The following ACACA variants were observed in gnomAD, a reference collection of about 807,000 sequenced individuals.
The protein encoded by ACACA is acetyl-CoA carboxylase alpha.
A neutral mutation model predicts 296.1 loss-of-function variants in ACACA; 103 were observed. The ratio of observed to expected loss-of-function variants is 0.35; its 90% CI spans 0.30 to 0.41. The LOEUF is 0.41. ACACA is among the 10% of genes least tolerant of loss of function. The pLI is 1.00. For synonymous variants in ACACA, 953 were observed against 1,038.6 expected (o/e 0.92, Z 1.58); for missense variants, 1,554 against 2,989.7 (o/e 0.52, Z 11.20).
intron 47 of ACACA, among the ~76,000 whole-genome samples, chr17:37,128,749 C>T (rs2074948852): frequency 6.6e-6 from 1 of 152,184 alleles, no homozygotes; most frequent in Non-Finnish European, 1.5e-5. Context: ...GGAGGGAGAG[C>T]TTATTCTCAC....
chr17:37,288,417 C>T (rs750865786), intron 3 of ACACA, among the ~76,000 whole-genome samples: 11 of 152,056 alleles, frequency 7.2e-5, no homozygotes, highest in Non-Finnish European at 1.6e-4. Context: ...AAAGTATATA[C>T]CATATGACTC....
At chr17:37,153,915 G>A (rs1156954146) in intron 43 of ACACA, among the ~76,000 whole-genome samples, 1 of 152,104 alleles carries the variant, frequency 6.6e-6, no homozygotes, top group Admixed American at 6.5e-5. Context: ...TCTTTTTGGG[G>A]AAAGTTAGTA....
intron 47 of ACACA, among the ~76,000 whole-genome samples, chr17:37,127,461 C>A (rs554642158): frequency 6.6e-6 from 1 of 152,122 alleles, no homozygotes; most frequent in East Asian, 1.9e-4. Context: ...CCTTAGAAGC[C>A]GGCTAAGATG....
rs748299412 is a variant in ACACA, at chr17:37,252,156, C to T, written c.1978-48G>A. ...AGATCAAATGCATGGTCACTTGGCACCACAGCCTCTCAAATGAAATCAGGC... is the reference window on the plus strand; with the variant it reads ...AGATCAAATGCATGGTCACTTGGCATCACAGCCTCTCAAATGAAATCAGGC... On this transcript the variant is annotated intron_variant, in intron 15 of 55. Coordinates refer to ENST00000616317, the MANE Select transcript of ACACA (RefSeq NM_198834.3). 9 of 1,455,676 alleles carry T rather than the reference C, an allele frequency of 6.2e-6. 1 individual carries two copies. The African/African-American group carries it at 7.0e-5, about 11-fold the overall frequency. 90.2% of individuals were successfully genotyped at this position (1,455,676 alleles called of 1,614,324 possible).
chr17:37,158,263 T>C (rs1006946432), intron 42 of ACACA, among the ~76,000 whole-genome samples: 4 of 152,164 alleles, frequency 2.6e-5, no homozygotes, highest in African/African-American at 9.7e-5. Flanking sequence ...TCTGGATATA[T>C]GAATCTTGTG....
rs568528900 is a variant in ACACA at position 37,335,418 on chromosome 17, A to G, written c.85+4386T>C. ...ATACTATAGACACAGCCAACTCCCAATGCATCAGGTGGGTAACTCCTCCCA... is the reference window on the plus strand; with the variant it reads ...ATACTATAGACACAGCCAACTCCCAGTGCATCAGGTGGGTAACTCCTCCCA... On this transcript the variant is annotated intron_variant, in intron 2 of 55. Transcript: ENST00000616317. Among the ~76,000 whole-genome samples the G allele has an allele frequency of 4.6e-5, 7 of 152,248 alleles. No individual in the cohort carries two copies. In the South Asian group the frequency reaches 1.2e-3, roughly 27 times the overall value.
intron 47 of ACACA, 36 bp from the exon 48 acceptor site, chr17:37,125,830 A>G: frequency 6.5e-7 from 1 of 1,544,236 alleles, no homozygotes; most frequent in Non-Finnish European, 8.9e-7. Flanking sequence ...GAGAATAAGG[A>G]CAGTGAATCC....
intron 41 of ACACA, among the ~76,000 whole-genome samples, chr17:37,170,262 A>G (rs979773960): frequency 2.0e-5 from 3 of 152,014 alleles, no homozygotes; most frequent in Non-Finnish European, 4.4e-5. Context: ...AAGGCAGAAC[A>G]TATTTCTTTG....
At chr17:37,157,426 T>C (rs1018061650) in intron 42 of ACACA, among the ~76,000 whole-genome samples, 16 of 152,234 alleles carry the variant, frequency 1.1e-4, no homozygotes, top group Non-Finnish European at 1.2e-4. Context: ...TGTAGGCAAC[T>C]ATATGATCTT....
intron 3 of ACACA, chr17:37,289,329 T>C (rs2082937646): frequency 3.3e-6 from 2 of 608,240 alleles, no homozygotes; most frequent in South Asian, 3.7e-5. Context: ...TGGCTGTAAA[T>C]TATTCCTCAG....
Position 37,245,155 on chromosome 17 carries a change from C to T in ACACA, c.2520G>A (p.Lys840=). 1 of 1,614,204 alleles carries T rather than the reference C, an allele frequency of 6.2e-7. No individual in the cohort carries two copies. The change falls in exon 20 of 56, where the codon AAG becomes AAA. Residue 840 remains lysine, a synonymous_variant. Transcript: ENST00000616317. The part of the protein sequence containing the change: ...AVESGCIHYV[K]RPGAALDPGC... ...CAGGGTCAAGAGCTGCTCCAGGTCGCTTGACGTAATGGATACAGCCAGACT... is the reference window on the plus strand; with the variant it reads ...CAGGGTCAAGAGCTGCTCCAGGTCGTTTGACGTAATGGATACAGCCAGACT...
At chr17:37,317,570 A>C (rs2047156735) in intron 3 of ACACA, among the ~76,000 whole-genome samples, 1 of 152,234 alleles carries the variant, frequency 6.6e-6, no homozygotes, top group South Asian at 2.1e-4. Flanking sequence ...CTGGAAAAAA[A>C]AACTTCTTGG....
intron 1 of ACACA, among the ~76,000 whole-genome samples, chr17:37,399,535 G>A (rs1008570662): frequency 2.6e-5 from 4 of 152,158 alleles, no homozygotes; most frequent in Admixed American, 2.0e-4. Context: ...CAGCTAGGCA[G>A]CCTAGTAGGC....
chr17:37,249,026 C>G lies in ACACA; in HGVS notation c.2082-352G>C, dbSNP rs557187699. On this transcript the variant is annotated intron_variant, in intron 16 of 55. Transcript: ENST00000616317. Reference sequence around the variant, plus strand: ...AACAACTCCCAATTTCGCCCTCCCCCCAGTTCCTGGTAACCGTCATTCTAC... The same window carrying G: ...AACAACTCCCAATTTCGCCCTCCCCGCAGTTCCTGGTAACCGTCATTCTAC... 2.3e-3 allele frequency among the ~76,000 whole-genome samples: 356 copies of G among 152,308 alleles called. 5 individuals are homozygous for G. The highest frequency in any genetic ancestry group is 3.4e-3 in the Non-Finnish European group (233 of 68,028).
chr17:37,138,488 G>A (rs549119114), intron 45 of ACACA, among the ~76,000 whole-genome samples: 4 of 152,176 alleles, frequency 2.6e-5, no homozygotes, highest in Admixed American at 1.3e-4. Context: ...ATATTGGCTC[G>A]GTCTAATGCT....
intron 1 of ACACA, among the ~76,000 whole-genome samples, chr17:37,359,755 G>A (rs148815669): frequency 7.8e-4 from 119 of 152,208 alleles, no homozygotes; most frequent in African/African-American, 2.5e-3. Flanking sequence ...TCATCACGCT[G>A]GCTGGTTTCC....
intron 52 of ACACA, among the ~76,000 whole-genome samples, chr17:37,106,561 C>A (rs1420197193): frequency 6.6e-6 from 1 of 151,992 alleles, no homozygotes; most frequent in African/African-American, 2.4e-5. Flanking sequence ...GATTTCCAAA[C>A]AGGAATAAAA....
chr17:37,277,694 GT>G (rs2082338208), intron 6 of ACACA, among the ~76,000 whole-genome samples: 1 of 152,092 alleles, frequency 6.6e-6, no homozygotes, highest in Non-Finnish European at 1.5e-5. Context: ...CAAACCTTCT[GT>G]TTGTATTACG....
In ACACA at chr17:37,085,969, G is replaced by A. The variant is rs1684508083; in HGVS notation, c.*1347C>T. The A allele has an allele frequency of 5.0e-6, 2 of 397,770 alleles. No homozygotes were observed. The highest frequency in any genetic ancestry group is 4.4e-5 in the Admixed American group (1 of 22,684). 24.6% of individuals were successfully genotyped at this position (397,770 alleles called of 1,614,324 possible). Reference sequence around the variant, plus strand: ...CTGCCACTCTTGCTTTAGGAACAGAGGAATCAGTAAGTTCTTTTCTTGAAT... The same window carrying A: ...CTGCCACTCTTGCTTTAGGAACAGAAGAATCAGTAAGTTCTTTTCTTGAAT... On this transcript the variant is annotated 3_prime_UTR_variant, in exon 56 of 56. Coordinates refer to ENST00000616317, the MANE Select transcript of ACACA (RefSeq NM_198834.3).
Sources: allele counts gnomAD v4.1 joint callset (sites outside exome capture counted in the v4.1 genomes callset), GRCh38; gene constraint gnomAD v4.1.1; transcripts MANE v1.5; gene names NCBI Gene and HGNC (gene_info 2026-07-23, HGNC 2026-07-21).